VMP1: variants seen among roughly 807,000 people sequenced by gnomAD.
VMP1 encodes the protein vacuole membrane protein 1.
A neutral mutation model predicts 56.0 loss-of-function variants in VMP1; 11 were observed. The observed-to-expected ratio is 0.20, with a 90% CI of 0.12 to 0.32. The LOEUF (loss-of-function observed/expected upper bound fraction) is 0.32. Among genes scored for constraint, VMP1 ranks in the 10% least tolerant of loss-of-function variants. The pLI, the probability that VMP1 is intolerant of heterozygous loss-of-function variation, is 1.00. For missense variants in VMP1, 296 were observed against 490.3 expected, an observed-to-expected ratio of 0.60 and a Z score of 3.74; for synonymous variants, 149 against 165.0, an observed-to-expected ratio of 0.90 and a Z score of 0.74.
At chr17:59,724,199 G>A (rs1222316412) in intron 1 of VMP1, among the ~76,000 whole-genome samples, 1 of 139,228 alleles carries the variant, frequency 7.2e-6, no homozygotes, top group Non-Finnish European at 1.5e-5. Flanking sequence ...GGGACAGAGT[G>A]AGACCCTGTC....
chr17:59,718,897 C>G (rs1170857206), intron 1 of VMP1, among the ~76,000 whole-genome samples: 1 of 151,850 alleles, frequency 6.6e-6, no homozygotes, highest in African/African-American at 2.4e-5. Flanking sequence ...TCCCCATTCA[C>G]ATTATTATGA....
chr17:59,838,394 A>C lies in VMP1; in HGVS notation c.1074A>C (p.Pro358=), dbSNP rs763758018. 1.7e-5 allele frequency: 27 copies of C among 1,613,958 alleles called. No homozygotes were observed. Among genetic ancestry groups the C allele is most frequent in the Non-Finnish European group, 1.9e-5 (23 of 1,179,982 alleles). The part of the protein sequence containing the change: ...KLHHKSEMGT[P]QGENWLSWMF... The stretch of plus-strand genomic sequence containing the variant: ...ACCACAAAAGCGAAATGGGCACACC[A>C]CAGGTAAGACTTTAATCCGGTTTCT... The change falls in exon 11 of 12, where the codon CCA becomes CCC. Residue 358 remains proline (P), a synonymous_variant. Transcript: ENST00000262291.
chr17:59,789,649 G>A (rs1294432974), intron 7 of VMP1, among the ~76,000 whole-genome samples: 2 of 152,060 alleles, frequency 1.3e-5, no homozygotes, highest in African/African-American at 4.8e-5. Context: ...TATAAGTGCT[G>A]AGTGCTTTGA....
In VMP1 at chr17:59,812,834, C is replaced by T. The variant is rs186160355; in HGVS notation, c.912+1048C>T. ...TAATCCCAGCTACTTGGGAGGCTGA[C>T]GCAGGAGAGTCTCTTGAACCTGGGA... On this transcript the variant is annotated intron_variant, in intron 9 of 11. Transcript: ENST00000262291. 3.3e-5 allele frequency among the ~76,000 whole-genome samples: 5 copies of T among 151,972 alleles called. No homozygotes were observed. In the East Asian group the frequency reaches 7.8e-4, roughly 24 times the overall value.
In VMP1 at chr17:59,735,476, A is replaced by T; in HGVS notation, c.212+3A>T. On this transcript the variant is annotated splice_donor_region_variant and intron_variant, in intron 3 of 11. Transcript: ENST00000262291. ...ATCTTGAAGGAATGGACCTCAAAGT[A>T]AAGAGTCTTCTCCCACTACCTTTTA... The T allele has an allele frequency of 6.2e-7, 1 of 1,613,980 alleles. No individual in the cohort carries two copies. The highest frequency in any genetic ancestry group is 8.5e-7 in the Non-Finnish European group (1 of 1,179,952).
intron 7 of VMP1, among the ~76,000 whole-genome samples, chr17:59,781,292 T>C (rs2036813921): frequency 6.6e-6 from 1 of 152,178 alleles, no homozygotes; most frequent in African/African-American, 2.4e-5. Flanking sequence ...ATTTTAGTAA[T>C]AAGATTCTTA....
chr17:59,710,800 G>A (rs1303956802), intron 1 of VMP1, among the ~76,000 whole-genome samples: 2 of 152,174 alleles, frequency 1.3e-5, no homozygotes, highest in South Asian at 2.1e-4. Flanking sequence ...GCCAGGCGCC[G>A]TGGCTCACGC....
chr17:59,748,455 T>C (rs2035516246), intron 5 of VMP1, among the ~76,000 whole-genome samples: 1 of 152,332 alleles, frequency 6.6e-6, no homozygotes, highest in African/African-American at 2.4e-5. Context: ...TTTGAATGTC[T>C]AGTACAATAT....
In VMP1 at chr17:59,839,645, C is replaced by G. The variant is rs1324657471; in HGVS notation, c.1078-123C>G. Reference sequence around the variant, plus strand: ...ATTTCAGAGTAGTTGGGGTTGCTTACTTTTCATTTTTAATTCTTTAGGTTT... The same window carrying G: ...ATTTCAGAGTAGTTGGGGTTGCTTAGTTTTCATTTTTAATTCTTTAGGTTT... On this transcript the variant is annotated intron_variant, in intron 11 of 11. Coordinates refer to ENST00000262291, the MANE Select transcript of VMP1 (RefSeq NM_030938.5). The G allele has an allele frequency of 6.2e-6, 8 of 1,288,690 alleles. No homozygotes were observed. In the Admixed American group the frequency reaches 7.9e-5, roughly 13 times the overall value. 79.8% of individuals were successfully genotyped at this position (1,288,690 alleles called of 1,614,324 possible).
chr17:59,754,862 A>G (rs1290991815), intron 5 of VMP1, among the ~76,000 whole-genome samples: 1 of 152,198 alleles, frequency 6.6e-6, no homozygotes, highest in South Asian at 2.1e-4. Flanking sequence ...AGGGGTATGC[A>G]CAGACTGGGT....
At chr17:59,732,253 T>C (rs2034852482) in intron 2 of VMP1, among the ~76,000 whole-genome samples, 3 of 152,194 alleles carry the variant, frequency 2.0e-5, no homozygotes, top group African/African-American at 4.8e-5. Flanking sequence ...TTTGTTTGTT[T>C]GTTTGCTTTT....
intron 5 of VMP1, among the ~76,000 whole-genome samples, chr17:59,757,288 GATA>G (rs2035878910): frequency 7.0e-6 from 1 of 142,812 alleles, no homozygotes; most frequent in Non-Finnish European, 1.5e-5. Flanking sequence ...TAGATAGATA[GATA>G]GATGTGGTTT....
chr17:59,709,482 A>T (rs948058763), intron 1 of VMP1, among the ~76,000 whole-genome samples: 1 of 152,222 alleles, frequency 6.6e-6, no homozygotes, highest in African/African-American at 2.4e-5. Context: ...AATTCTGCTC[A>T]CTTTCTTTCA....
At position 59,838,358 on chromosome 17, in the gene VMP1, G is replaced by C; in HGVS notation, c.1038G>C (p.Arg346=). ...TTCAGGAGTACCTGGAGGCTCAACG[G>C]CAGAAGCTTCACCACAAAAGCGAAA... is the stretch of plus-strand genomic sequence containing the variant. ...KPFQEYLEAQ[R]QKLHHKSEMG... is the part of the protein sequence containing the mutation. Residue 346 remains arginine (R), a synonymous_variant, in exon 11 of 12, where the codon CGG becomes CGC. Coordinates refer to ENST00000262291, the MANE Select transcript of VMP1 (RefSeq NM_030938.5). 1 of 1,613,996 alleles carries C rather than the reference G, an allele frequency of 6.2e-7. No individual in the cohort carries two copies. Among genetic ancestry groups the C allele is most frequent in the Non-Finnish European group, 8.5e-7 (1 of 1,179,994 alleles).
chr17:59,711,940 G>A (rs1024212254), intron 1 of VMP1, among the ~76,000 whole-genome samples: 1 of 152,140 alleles, frequency 6.6e-6, no homozygotes, highest in Non-Finnish European at 1.5e-5. Context: ...GGCAGGTAGT[G>A]TTAAAAGCCA....
rs71145572 is a variant in VMP1 at position 59,794,517 on chromosome 17, A to ATT, written c.715-14246_715-14245dup. Among the ~76,000 whole-genome samples the ATT allele has an allele frequency of 1.2e-3, 52 of 43,112 alleles. 1 individual carries two copies. Among genetic ancestry groups the ATT allele is most frequent in the African/African-American group, 5.3e-3 (46 of 8,612 alleles). The allele number at this position is 43,112 out of a possible 152,430, so 28.3% of individuals were successfully genotyped here. On this transcript the variant is annotated intron_variant, in intron 7 of 11. Transcript: ENST00000262291. ...ACAGGTGTGAGCCCCCGCGCCCTGCATTTTTTTTTTTTTTTTTTTTTTTTT... is the reference window on the plus strand; with the variant it reads ...ACAGGTGTGAGCCCCCGCGCCCTGCATTTTTTTTTTTTTTTTTTTTTTTTTTT...
intron 5 of VMP1, among the ~76,000 whole-genome samples, chr17:59,752,780 A>AGT (rs957470589): frequency 3.3e-5 from 5 of 152,174 alleles, no homozygotes; most frequent in African/African-American, 1.2e-4. Flanking sequence ...TAAAGATCTA[A>AGT]GGTACCACTG....
chr17:59,821,605 GT>G, intron 10 of VMP1, among the ~76,000 whole-genome samples: 1 of 144,660 alleles, frequency 6.9e-6, no homozygotes, highest in East Asian at 2.0e-4. Context: ...GAGTGCAATG[GT>G]GCGATCTCAG....
intron 2 of VMP1, among the ~76,000 whole-genome samples, chr17:59,733,598 A>C (rs1394988494): frequency 1.3e-5 from 2 of 152,080 alleles, no homozygotes; most frequent in African/African-American, 4.8e-5. Flanking sequence ...GCTACTCGGG[A>C]AGCTCAGGCA....
Sources: allele counts gnomAD v4.1 joint callset (sites outside exome capture counted in the v4.1 genomes callset), GRCh38; gene constraint gnomAD v4.1.1; transcripts MANE v1.5; gene names NCBI Gene and HGNC (gene_info 2026-07-23, HGNC 2026-07-21).